Variants in PRH1 observed in about 807,000 individuals in gnomAD.
PRH1 encodes proline rich protein HaeIII subfamily 1.
A neutral mutation model predicts 7.9 loss-of-function variants in PRH1; 7 were observed. The observed-to-expected ratio is 0.89, with a 90% CI of 0.50 to 1.67. The LOEUF is 1.67. Among genes scored for constraint, PRH1 ranks in the 40% most tolerant of loss-of-function variants. PRH1 has a pLI of 0.00. For missense variants in PRH1, 109 were observed against 223.6 expected (o/e 0.49, Z 3.27); for synonymous variants, 45 against 80.8 (o/e 0.56, Z 2.38).
At chr12:11,084,380 C>G in intron 1 of PRH1, among the ~76,000 whole-genome samples, 1 of 138,922 alleles carries the variant, frequency 7.2e-6, no homozygotes, top group East Asian at 2.0e-4. Context: ...CATTTAATCA[C>G]TGATGGACAT....
At chr12:10,941,365 A>G (rs1950397289) in intron 2 of PRH1, among the ~76,000 whole-genome samples, 1 of 152,196 alleles carries the variant, frequency 6.6e-6, no homozygotes. Context: ...TAATTCCCAC[A>G]CACTACATCC....
At chr12:11,137,964 G>A (rs1035432179) in intron 1 of PRH1, among the ~76,000 whole-genome samples, 4 of 137,844 alleles carry the variant, frequency 2.9e-5, no homozygotes, top group African/African-American at 1.0e-4. Context: ...CTTCTTCATG[G>A]CCTCATGATT....
intron 1 of PRH1, chr12:10,997,857 T>A: frequency 6.2e-7 from 1 of 1,600,812 alleles, no homozygotes; most frequent in Non-Finnish European, 8.5e-7. Context: ...GAAAAAACAA[T>A]GTGTAGAAAA....
At chr12:10,932,729 T>A (rs1950231938) in intron 2 of PRH1, among the ~76,000 whole-genome samples, 1 of 152,116 alleles carries the variant, frequency 6.6e-6, no homozygotes, top group Admixed American at 6.5e-5. Context: ...TTATCACTGA[T>A]CAGTTCTGTC....
At chr12:10,978,356 T>C (rs1591758004) in intron 1 of PRH1, among the ~76,000 whole-genome samples, 1 of 152,320 alleles carries the variant, frequency 6.6e-6, no homozygotes, top group African/African-American at 2.4e-5. Flanking sequence ...GATAACTGGC[T>C]AGTCACATGC....
chr12:11,109,905 G>A (rs368337300), intron 1 of PRH1, among the ~76,000 whole-genome samples: 2 of 152,046 alleles, frequency 1.3e-5, no homozygotes, highest in South Asian at 4.1e-4. Context: ...CCAATGCAAG[G>A]GAGCCAAGAA....
intron 2 of PRH1, among the ~76,000 whole-genome samples, chr12:10,935,964 T>C (rs982194860): frequency 6.6e-6 from 1 of 152,038 alleles, no homozygotes; most frequent in African/African-American, 2.4e-5. Context: ...TTCCAGGATA[T>C]TGAGCTGAAT....
At chr12:10,965,587 C>A (rs976875162) in intron 2 of PRH1, among the ~76,000 whole-genome samples, 4 of 152,198 alleles carry the variant, frequency 2.6e-5, no homozygotes, top group African/African-American at 9.7e-5. Context: ...CAACTTAATT[C>A]ATTCATTCAA....
Position 11,146,833 on chromosome 12 carries a change from C to A in PRH1, n.39+24589G>T, listed in dbSNP as rs539551411. On this transcript the variant is annotated intron_variant and non_coding_transcript_variant, in intron 1 of 1. Coordinates refer to the PRH1 transcript ENST00000541175. ...AAAAACACATCTTATCTACTAATTT[C>A]TAATGATAATCTTATTATAAGACAA... Among the ~76,000 whole-genome samples, 47 of 152,230 alleles carry A rather than the reference C, an allele frequency of 3.1e-4. 1 individual carries two copies. Among genetic ancestry groups the A allele is most frequent in the African/African-American group, 1.1e-3 (47 of 41,546 alleles).
chr12:10,923,994 T>TTG lies in PRH1; in HGVS notation c.-58-39720_-58-39719insCA, dbSNP rs1432201009. Among the ~76,000 whole-genome samples the TTG allele has an allele frequency of 7.4e-5, 10 of 135,888 alleles. No individual in the cohort carries two copies. The East Asian group carries it at 2.2e-3, about 29-fold the overall frequency. The allele number at this position is 135,888 out of a possible 152,430, so 89.1% of individuals were successfully genotyped here. On this transcript the variant is annotated intron_variant, in intron 2 of 3. Transcript: ENST00000539853. ...TTTTTATTCATTTCTCCATCTGTTT[T>TTG]TTTTTTTTTTTTTTTTTTTGAGACG...
intron 1 of PRH1, among the ~76,000 whole-genome samples, chr12:11,126,904 A>G (rs2708342): frequency 0.42 from 62,895 of 149,734 alleles, 11,437 homozygotes; most frequent in Non-Finnish European, 0.48. Flanking sequence ...GGGAAAATAC[A>G]AATTCTACCA....
In PRH1 at chr12:10,909,306, C is replaced by T. The variant is rs751607662; in HGVS notation, c.-58-25031G>A. On this transcript the variant is annotated intron_variant, in intron 2 of 3. Transcript: ENST00000539853. The stretch of plus-strand genomic sequence containing the variant: ...CGGCAGGGCACTTTCCATGTCAGAA[C>T]AGAGAAAGTTCAATGTCTAATGTCA... 5 of 1,599,240 alleles carry T rather than the reference C, an allele frequency of 3.1e-6. No homozygotes were observed. In the South Asian group the frequency reaches 5.6e-5, roughly 18 times the overall value.
intron 2 of PRH1, among the ~76,000 whole-genome samples, chr12:10,971,502 T>A (rs1479937128): frequency 6.6e-6 from 1 of 151,982 alleles, no homozygotes; most frequent in African/African-American, 2.4e-5. Context: ...TTTATTTATC[T>A]ATTTTATCAC....
intron 1 of PRH1, among the ~76,000 whole-genome samples, chr12:10,980,159 C>T (rs1456668417): frequency 1.3e-5 from 2 of 151,968 alleles, no homozygotes; most frequent in African/African-American, 4.8e-5. Context: ...AAATTTAGAC[C>T]CTTATTTTAT....
rs747222765 is a variant in PRH1, at chr12:10,986,213, C to T, written c.-125-12492G>A. The T allele has an allele frequency of 7.9e-5, 127 of 1,614,044 alleles. No homozygotes were observed. The South Asian group carries it at 1.2e-3, about 15-fold the overall frequency. On this transcript the variant is annotated intron_variant, in intron 1 of 3. Transcript: ENST00000539853. ...TGTGGACCTTGGTGCTGAGATCTTGCGATCCTTCTCCATGGAGCTGCATCT... is the reference window on the plus strand; with the variant it reads ...TGTGGACCTTGGTGCTGAGATCTTGTGATCCTTCTCCATGGAGCTGCATCT...
intron 2 of PRH1, among the ~76,000 whole-genome samples, chr12:10,898,019 C>T (rs10772384): frequency 0.5 from 75,412 of 152,042 alleles, 20,936 homozygotes; most frequent in East Asian, 0.72. Flanking sequence ...AATATTTTGT[C>T]ATTTCTAATT....
intron 1 of PRH1, among the ~76,000 whole-genome samples, chr12:11,053,867 C>T (rs1943254844): frequency 6.6e-6 from 1 of 152,108 alleles, no homozygotes; most frequent in Non-Finnish European, 1.5e-5. Context: ...GTCACCCAGG[C>T]TGCAGTGCAA....
intron 2 of PRH1, among the ~76,000 whole-genome samples, chr12:10,892,355 A>G (rs976493680): frequency 7.2e-5 from 11 of 152,202 alleles, no homozygotes; most frequent in Non-Finnish European, 1.2e-4. Context: ...AACTAAATCC[A>G]TCAGAAGTAA....
At chr12:11,073,671 G>T (rs1189981289) in intron 1 of PRH1, among the ~76,000 whole-genome samples, 2 of 151,924 alleles carry the variant, frequency 1.3e-5, no homozygotes, top group African/African-American at 4.8e-5. Context: ...GGTTTCAAGT[G>T]GAATCCAGAA....
Sources: allele counts gnomAD v4.1 joint callset (sites outside exome capture counted in the v4.1 genomes callset), GRCh38; gene constraint gnomAD v4.1.1; transcripts MANE v1.5; gene names NCBI Gene and HGNC (gene_info 2026-07-23, HGNC 2026-07-21).